RCN2: variants seen among roughly 807,000 people sequenced by gnomAD.
The protein encoded by RCN2 is reticulocalbin-2.
A neutral mutation model predicts 37.5 loss-of-function variants in RCN2; 23 were observed. That is an observed-to-expected ratio of 0.61 (90% CI 0.44 to 0.87). The LOEUF is 0.87. RCN2 is among the 40% of genes least tolerant of loss of function. The probability of loss-of-function intolerance (pLI) is 0.00; values close to 1 mark genes in which losing one functional copy is unlikely to be tolerated. For missense variants in RCN2, 381 were observed against 390.4 expected (o/e 0.98, Z 0.20); for synonymous variants, 140 against 144.6 (o/e 0.97, Z 0.23).
chr15:76,938,889 A>G (rs2075264478), intron 3 of RCN2: 1 of 422,680 alleles, frequency 2.4e-6, no homozygotes, highest in South Asian at 1.6e-5. Context: ...CATTCAGGCC[A>G]GGTGTGGTGG....
intron 3 of RCN2, among the ~76,000 whole-genome samples, chr15:76,938,111 T>C (rs997822286): frequency 3.9e-5 from 6 of 152,138 alleles, no homozygotes; most frequent in African/African-American, 1.4e-4. Flanking sequence ...TAGAAAAACA[T>C]AAAAATAAAA....
chr15:76,934,016 G>A (rs1357678259), intron 2 of RCN2, among the ~76,000 whole-genome samples: 1 of 152,134 alleles, frequency 6.6e-6, no homozygotes, highest in Admixed American at 6.5e-5. Context: ...GCATTGTTTT[G>A]AAGATTAGAG....
intron 3 of RCN2, chr15:76,941,773 TA>T: frequency 4.8e-5 from 32 of 671,490 alleles, no homozygotes; most frequent in Admixed American, 1.1e-4. Flanking sequence ...TTTTTTTTTT[TA>T]AAGAAATCTC....
chr15:76,947,387 CTTTT>C (rs3215250), intron 4 of RCN2, 30 bp from the exon 5 acceptor site: 1 of 1,233,222 alleles, frequency 8.1e-7, no homozygotes, highest in Admixed American at 2.2e-5. Context: ...CATTTTGTAA[CTTTT>C]TTTTTTCTTT....
chr15:76,947,024 G>A (rs1214245961), intron 4 of RCN2, among the ~76,000 whole-genome samples: 4 of 152,142 alleles, frequency 2.6e-5, no homozygotes, highest in Non-Finnish European at 5.9e-5. Flanking sequence ...ATGGATTGGA[G>A]GGCAAATGAA....
intron 1 of RCN2, 55 bp from the exon 2 acceptor site, chr15:76,932,306 T>C: frequency 7.2e-7 from 1 of 1,383,570 alleles, no homozygotes; most frequent in Non-Finnish European, 1.0e-6. Context: ...TTCTCCACCA[T>C]TTTGCCCCAC....
rs971509310 is a variant in RCN2, at chr15:76,941,646, ATTTGTAAAAAACAGTC to A, written c.448-2108_448-2093del. The stretch of plus-strand genomic sequence containing the variant: ...TTTGTTATTTTTTTAGGAATTTGCC[ATTTGTAAAAAACAGTC>A]TTTCTGTTTTTGGCTTCTTCGATTT... On this transcript the variant is annotated intron_variant, in intron 3 of 6. Transcript: ENST00000394885. 6.0e-6 allele frequency: 9 copies of A among 1,492,096 alleles called. No homozygotes were observed. The African/African-American group carries it at 1.3e-4, about 21-fold the overall frequency. The allele number at this position is 1,492,096 out of a possible 1,614,324, so 92.4% of individuals were successfully genotyped here.
In RCN2 at chr15:76,949,057, T is replaced by G; in HGVS notation, c.802-13T>G. On this transcript the variant is annotated splice_polypyrimidine_tract_variant and intron_variant, in intron 6 of 6. Coordinates refer to ENST00000394885, the MANE Select transcript of RCN2 (RefSeq NM_002902.3). ...ACTTATTACACTTGACACTTTTTTG[T>G]TTTATTTTGAAGGCGCTTCATCTAA... The G allele has an allele frequency of 6.3e-7, 1 of 1,586,526 alleles. No individual in the cohort carries two copies. Among genetic ancestry groups the G allele is most frequent in the Non-Finnish European group, 8.6e-7 (1 of 1,169,252 alleles).
In RCN2 at chr15:76,935,528, G is replaced by C. The variant is rs2075243317; in HGVS notation, c.253G>C (p.Glu85Gln). The C allele has an allele frequency of 3.1e-6, 5 of 1,609,442 alleles. No individual in the cohort carries two copies. The highest frequency in any genetic ancestry group is 4.2e-6 in the Non-Finnish European group (5 of 1,178,080). Residue 85 changes from glutamate (E) to glutamine (Q), a missense_variant and splice_region_variant, in exon 3 of 7, where the codon GAA becomes CAA. By Grantham distance (29) the Glu-to-Gln change is conservative. Transcript: ENST00000394885. ...LDSDGFLTES[E>Q]LSSWIQMSFK... ...TGTGTTCTGGGAAATTCTCATAGGT[G>C]AACTCAGTTCATGGATTCAGATGTC...
chr15:76,932,543 A>G, intron 2 of RCN2, 77 bp downstream of exon 2: 1 of 980,176 alleles, frequency 1.0e-6, no homozygotes, highest in Non-Finnish European at 1.6e-6. Context: ...GAATGTATAG[A>G]TTGCTAGTGT....
chr15:76,932,605 T>C (rs1212677477), intron 2 of RCN2, 139 bp downstream of exon 2: 1 of 640,598 alleles, frequency 1.6e-6, no homozygotes, highest in Admixed American at 2.6e-5. Flanking sequence ...GAATAGGCTT[T>C]ATACTTACAA....
chr15:76,932,988 C>T (rs750487855), intron 2 of RCN2, among the ~76,000 whole-genome samples: 6 of 152,012 alleles, frequency 3.9e-5, no homozygotes, highest in Non-Finnish European at 8.8e-5. Flanking sequence ...AAATGAAGCA[C>T]AGGGATAAGT....
In RCN2 at chr15:76,942,003, CATAAA is replaced by C. The variant is rs2075278327; in HGVS notation, c.448-1752_448-1748del. 3 of 209,846 alleles carry C rather than the reference CATAAA, an allele frequency of 1.4e-5. No homozygotes were observed. In the South Asian group the frequency reaches 5.5e-4, roughly 38 times the overall value. 13.0% of individuals were successfully genotyped at this position (209,846 alleles called of 1,614,324 possible). A position where few individuals can be genotyped will look rare whatever the true frequency, so the allele number is the denominator to read the frequency against. On this transcript the variant is annotated intron_variant, in intron 3 of 6. Coordinates refer to ENST00000394885, the MANE Select transcript of RCN2 (RefSeq NM_002902.3). ...CTGCTTTTACCATGTTAAACCTGAACATAAAATGCAAATTATTTGGTCTAGTTATT... is the reference window on the plus strand; with the variant it reads ...CTGCTTTTACCATGTTAAACCTGAACATGCAAATTATTTGGTCTAGTTATT...
At chr15:76,948,649 A>T (rs1765259699) in intron 6 of RCN2, 97 bp downstream of exon 6, 1 of 1,242,094 alleles carries the variant, frequency 8.1e-7, no homozygotes, top group South Asian at 1.7e-5. Flanking sequence ...CCAAAGAAAG[A>T]AGTAATGGAG....
rs12909483 is a variant in RCN2, at chr15:76,944,070, G to A, written c.561+199G>A. Among the ~76,000 whole-genome samples, 6 of 134,350 alleles carry A rather than the reference G, an allele frequency of 4.5e-5. No individual in the cohort carries two copies. The Admixed American group carries it at 5.5e-4, about 12-fold the overall frequency. 88.1% of individuals were successfully genotyped at this position (134,350 alleles called of 152,430 possible). ...TGCAGTGGGGCGATCTCGGCTTACT[G>A]CAAGCTCCGCCTCCCGTGTTCACGC... On this transcript the variant is annotated intron_variant, in intron 4 of 6. Coordinates refer to ENST00000394885, the MANE Select transcript of RCN2 (RefSeq NM_002902.3).
At chr15:76,934,985 C>G (rs2075240726) in intron 2 of RCN2, among the ~76,000 whole-genome samples, 1 of 152,002 alleles carries the variant, frequency 6.6e-6, no homozygotes, top group Admixed American at 6.6e-5. Flanking sequence ...CAGAACATAC[C>G]CAAACTTTTA....
At position 76,953,591 on chromosome 15, in the gene RCN2, A is replaced by ATATATATATATATATATATT. The variant is rs2075333586; in HGVS notation, c.*4372_*4373insATATATATATATATATTTAT. ...TATATATATATATATATATATATAT[A>ATATATATATATATATATATT]TATTTTTTTTTTTTTTTTTTTTTTT... is the stretch of plus-strand genomic sequence containing the variant. On this transcript the variant is annotated 3_prime_UTR_variant, in exon 7 of 7. Transcript: ENST00000394885. 1 of 12,378 alleles carries ATATATATATATATATATATT rather than the reference A, an allele frequency of 8.1e-5. No individual in the cohort carries two copies. Among genetic ancestry groups the ATATATATATATATATATATT allele is most frequent in the African/African-American group, 3.1e-4 (1 of 3,208 alleles). The allele number at this position is 12,378 out of a possible 1,614,324, so 0.8% of individuals were successfully genotyped here. A position where few individuals can be genotyped will look rare whatever the true frequency, so the allele number is the denominator to read the frequency against.
At chr15:76,940,006 A>G (rs2075270402) in intron 3 of RCN2, among the ~76,000 whole-genome samples, 1 of 152,130 alleles carries the variant, frequency 6.6e-6, no homozygotes, top group Non-Finnish European at 1.5e-5. Flanking sequence ...GAATGTGTTG[A>G]TTATAACACT....
intron 3 of RCN2, chr15:76,941,878 G>C (rs1275970091): frequency 2.5e-6 from 1 of 406,180 alleles, no homozygotes; most frequent in Non-Finnish European, 4.4e-6. Context: ...CAAAGTGAAG[G>C]GTTCTTTCAT....
Sources: allele counts gnomAD v4.1 joint callset (sites outside exome capture counted in the v4.1 genomes callset), GRCh38; gene constraint gnomAD v4.1.1; transcripts MANE v1.5; gene names NCBI Gene and HGNC (gene_info 2026-07-23, HGNC 2026-07-21).